The following MKLN1 variants were observed in gnomAD, a reference collection of about 807,000 sequenced individuals.
The protein encoded by MKLN1 is muskelin.
Under a neutral mutation model 99.0 loss-of-function variants are expected in MKLN1, and 18 were observed. That is an observed-to-expected ratio of 0.18 (90% CI 0.13 to 0.27). The LOEUF is 0.27. Ranked by LOEUF, MKLN1 falls within the 10% of genes least tolerant of loss-of-function variation. The pLI is 1.00. For missense variants in MKLN1, 621 were observed against 875.9 expected (o/e 0.71, Z 3.67); for synonymous variants, 288 against 293.2 (o/e 0.98, Z 0.18).
chr7:131,330,904 C>T (rs1209402677), intron 1 of MKLN1, among the ~76,000 whole-genome samples: 3 of 151,922 alleles, frequency 2.0e-5, no homozygotes, highest in African/African-American at 4.8e-5. Context: ...TAAAAAAAGG[C>T]CTTTTATTTT....
Position 131,487,518 on chromosome 7 carries a change from A to G in MKLN1, c.2087-89A>G, listed in dbSNP as rs1797314690. On this transcript the variant is annotated intron_variant, in intron 17 of 17. Coordinates refer to ENST00000352689, the MANE Select transcript of MKLN1 (RefSeq NM_013255.5). The surrounding 1 kb of genome is among the most constrained non-coding windows in gnomAD (Gnocchi z 4.7). ...TTTTGAAGCCTGATTTGATTTCTCC[A>G]TTATAAAATACATTGCTGCTGGTCT... The G allele has an allele frequency of 1.4e-6, 2 of 1,424,430 alleles. No homozygotes were observed. The highest frequency in any genetic ancestry group is 2.4e-5 in the East Asian group (1 of 41,988). 88.2% of individuals were successfully genotyped at this position (1,424,430 alleles called of 1,614,324 possible). A position where few individuals can be genotyped will look rare whatever the true frequency, so the allele number is the denominator to read the frequency against.
chr7:131,213,171 G>A (rs1244619309), intron 3 of MKLN1, among the ~76,000 whole-genome samples: 1 of 151,754 alleles, frequency 6.6e-6, no homozygotes, highest in Non-Finnish European at 1.5e-5. Context: ...ACAATACAAA[G>A]TATTGTTTTG....
At chr7:131,282,582 G>A (rs1288574242) in intron 3 of MKLN1, among the ~76,000 whole-genome samples, 4 of 152,144 alleles carry the variant, frequency 2.6e-5, no homozygotes, top group Non-Finnish European at 4.4e-5. Flanking sequence ...GAGAAATAGA[G>A]GAGGAGGGAT....
At chr7:131,476,011 A>G (rs946746771) in intron 16 of MKLN1, among the ~76,000 whole-genome samples, 55 of 152,302 alleles carry the variant, frequency 3.6e-4, no homozygotes, top group African/African-American at 1.3e-3. Flanking sequence ...TTGAAAAAAA[A>G]TTCAGTGTAA....
chr7:131,293,573 C>G (rs1221199210), intron 3 of MKLN1, among the ~76,000 whole-genome samples: 1 of 152,174 alleles, frequency 6.6e-6, no homozygotes, highest in African/African-American at 2.4e-5. Flanking sequence ...CTTTGGAAGA[C>G]TGAGGTGGAA....
intron 3 of MKLN1, among the ~76,000 whole-genome samples, chr7:131,288,191 A>C (rs1312535321): frequency 6.6e-6 from 1 of 152,070 alleles, no homozygotes; most frequent in Admixed American, 6.5e-5. Flanking sequence ...GGGTTTGTCC[A>C]ATGGCAGGCA....
intron 2 of MKLN1, among the ~76,000 whole-genome samples, chr7:131,160,184 T>C (rs1449289966): frequency 2.0e-5 from 3 of 152,240 alleles, no homozygotes; most frequent in Non-Finnish European, 2.9e-5. Flanking sequence ...ATGTGGCCTT[T>C]TGTGACTGGC....
At chr7:131,339,738 A>G (rs1051995219) in intron 1 of MKLN1, among the ~76,000 whole-genome samples, 4 of 152,040 alleles carry the variant, frequency 2.6e-5, no homozygotes, top group African/African-American at 7.2e-5. Context: ...TTCTATAAGT[A>G]TAGTATTTCC....
chr7:131,397,183 G>C (rs554672231), intron 4 of MKLN1, 84 bp from the exon 5 acceptor site: 1 of 901,550 alleles, frequency 1.1e-6, no homozygotes, highest in East Asian at 2.5e-5. Flanking sequence ...TCCTTATAAG[G>C]TTGAATAGTG....
chr7:131,433,876 G>A (rs1034927102), intron 9 of MKLN1, among the ~76,000 whole-genome samples: 8 of 102,976 alleles, frequency 7.8e-5, no homozygotes, highest in African/African-American at 3.1e-4. Flanking sequence ...TCATTTTGTC[G>A]TTTGAATTTT....
intron 3 of MKLN1, among the ~76,000 whole-genome samples, chr7:131,212,184 G>A (rs1024485782): frequency 5.9e-5 from 9 of 152,290 alleles, no homozygotes; most frequent in Non-Finnish European, 1.3e-4. Flanking sequence ...TATCCAAAAT[G>A]TTTCCTCTTC....
intron 2 of MKLN1, among the ~76,000 whole-genome samples, chr7:131,382,700 A>G (rs1793888466): frequency 6.6e-6 from 1 of 150,506 alleles, no homozygotes; most frequent in African/African-American, 2.4e-5. Context: ...ATTAAGCATG[A>G]TGCTTAGCTA....
chr7:131,142,632 G>A (rs552131867), intron 1 of MKLN1, among the ~76,000 whole-genome samples: 3 of 151,990 alleles, frequency 2.0e-5, no homozygotes, highest in Middle Eastern at 3.4e-3. Context: ...CTACTCGGGA[G>A]GCTGAGGCAG....
chr7:131,427,207 G>A (rs1477164793), intron 8 of MKLN1, among the ~76,000 whole-genome samples: 1 of 152,200 alleles, frequency 6.6e-6, no homozygotes, highest in Non-Finnish European at 1.5e-5. Context: ...GGATAGAAGA[G>A]ACAAATCACT....
chr7:131,484,373 C>T (rs892495831), intron 17 of MKLN1, among the ~76,000 whole-genome samples: 16 of 152,228 alleles, frequency 1.1e-4, no homozygotes, highest in African/African-American at 3.6e-4. Flanking sequence ...TGTGAGACTT[C>T]ACTGAATTAC....
At chr7:131,265,911 T>C (rs1480853979) in intron 3 of MKLN1, among the ~76,000 whole-genome samples, 5 of 152,106 alleles carry the variant, frequency 3.3e-5, no homozygotes, top group African/African-American at 1.2e-4. Context: ...CTGTGGCTCA[T>C]GCCTGTAATC....
At chr7:131,431,427 G>A (rs1217324060) in intron 9 of MKLN1, among the ~76,000 whole-genome samples, 1 of 152,130 alleles carries the variant, frequency 6.6e-6, no homozygotes, top group Non-Finnish European at 1.5e-5. Flanking sequence ...AGTTGGCTCG[G>A]TCATTCTTTT....
chr7:131,232,681 C>T (rs965230990), intron 3 of MKLN1, among the ~76,000 whole-genome samples: 2 of 152,064 alleles, frequency 1.3e-5, no homozygotes, highest in African/African-American at 4.8e-5. Flanking sequence ...AAAAACTGTA[C>T]TCCTCAATTG....
chr7:131,284,289 G>A (rs773138379), intron 3 of MKLN1, among the ~76,000 whole-genome samples: 8 of 152,062 alleles, frequency 5.3e-5, no homozygotes, highest in Non-Finnish European at 1.0e-4. Flanking sequence ...TCTAACCAAC[G>A]CTGTCAAGTT....
Sources: allele counts gnomAD v4.1 joint callset (sites outside exome capture counted in the v4.1 genomes callset), GRCh38; gene constraint gnomAD v4.1.1; non-coding constraint Gnocchi (gnomAD v3.1); transcripts MANE v1.5; gene names NCBI Gene and HGNC (gene_info 2026-07-23, HGNC 2026-07-21).